AFF2: variants seen among roughly 807,000 people sequenced by gnomAD.
The protein encoded by AFF2 is ALF transcription elongation factor 2.
A neutral mutation model predicts 76.9 loss-of-function variants in AFF2; 14 were observed. The ratio of observed to expected loss-of-function variants is 0.18; its 90% confidence interval spans 0.12 to 0.28. The LOEUF is 0.28. Ranked by LOEUF, AFF2 falls within the 10% of genes least tolerant of loss-of-function variation. The pLI is 1.00. For missense variants in AFF2, 868 were observed against 1,001.1 expected, an observed-to-expected ratio of 0.87 and a Z score of 1.79; for synonymous variants, 398 against 366.7, an observed-to-expected ratio of 1.09 and a Z score of -0.98.
rs1255118427 is a variant in AFF2, at chrX:148,994,568, G to T, written c.*3236G>T. ...TGCCTTTTTTTCCATGTAAGGAAAT[G>T]AAAAGACCAAAATCTTCAGGCAAAA... On this transcript the variant is annotated 3_prime_UTR_variant, in exon 21 of 21. Transcript: ENST00000370460. The T allele has an allele frequency of 1.8e-5, 2 of 112,214 alleles. No homozygotes were observed. Among genetic ancestry groups the T allele is most frequent in the Non-Finnish European group, 3.8e-5 (2 of 53,274 alleles). The allele number at this position is 112,214 out of a possible 1,213,427, so 9.2% of individuals were successfully genotyped here.
intron 12 of AFF2, among the ~76,000 whole-genome samples, chrX:148,961,709 T>A (rs1557288035): frequency 8.9e-6 from 1 of 112,605 alleles, no homozygotes; most frequent in Admixed American, 9.4e-5. Context: ...AAATCTATAT[T>A]TCTAGACACT....
intron 9 of AFF2, among the ~76,000 whole-genome samples, chrX:148,906,617 C>T (rs1242506343): frequency 2.7e-5 from 3 of 112,107 alleles, no homozygotes; most frequent in Admixed American, 9.4e-5. Flanking sequence ...GGACAATGAT[C>T]GGGATATAAA....
intron 9 of AFF2, among the ~76,000 whole-genome samples, chrX:148,914,780 G>T (rs1557282358): frequency 8.9e-6 from 1 of 112,128 alleles, no homozygotes; most frequent in African/African-American, 3.2e-5. Context: ...AGTATTTTAG[G>T]CATGACACAA....
chrX:148,773,689 A>AAG (rs2069622509), intron 3 of AFF2, among the ~76,000 whole-genome samples: 1 of 52,265 alleles, frequency 1.9e-5, no homozygotes, highest in African/African-American at 1.3e-4. Flanking sequence ...AAGGAAGGAA[A>AAG]GAAAGAAAGA....
chrX:148,939,360 A>T (rs73640616), intron 9 of AFF2, among the ~76,000 whole-genome samples: 1 of 111,959 alleles, frequency 8.9e-6, no homozygotes, highest in African/African-American at 3.2e-5. Flanking sequence ...GTCATGCCCA[A>T]AAGAGAAAAA....
At chrX:148,837,771 T>C in intron 5 of AFF2, 38 bp downstream of exon 5, 1 of 969,778 alleles carries the variant, frequency 1.0e-6, no homozygotes, top group Non-Finnish European at 1.5e-6. Context: ...GTTTGTCTTA[T>C]TTTAATTATA....
chrX:148,848,176 G>A (rs2070690312), intron 7 of AFF2, among the ~76,000 whole-genome samples: 1 of 110,686 alleles, frequency 9.0e-6, no homozygotes, highest in Admixed American at 9.7e-5. Context: ...ACAACCTGGT[G>A]GGATGTAGTC....
intron 1 of AFF2, among the ~76,000 whole-genome samples, chrX:148,613,868 C>T (rs116346868): frequency 0.17 from 19,348 of 111,603 alleles, 1,229 homozygotes; most frequent in Non-Finnish European, 0.2. Flanking sequence ...CTGCTGCACT[C>T]TGTATCTCTG....
chrX:148,865,948 G>A (rs1190044883), intron 7 of AFF2, among the ~76,000 whole-genome samples: 3 of 111,783 alleles, frequency 2.7e-5, no homozygotes, highest in Non-Finnish European at 5.6e-5. Context: ...TTCTGGCCTC[G>A]ATAAAACGAG....
chrX:148,507,126 CTCTT>C (rs1387356028), intron 1 of AFF2, among the ~76,000 whole-genome samples: 1 of 112,296 alleles, frequency 8.9e-6, no homozygotes, highest in Non-Finnish European at 1.9e-5. Flanking sequence ...AAATGCAGGT[CTCTT>C]TCAAGGATAG....
chrX:148,596,082 A>G (rs1178042158), intron 1 of AFF2, among the ~76,000 whole-genome samples: 1 of 111,716 alleles, frequency 9.0e-6, no homozygotes, highest in Non-Finnish European at 1.9e-5. Context: ...AATCCCTAAC[A>G]TCTACTGTGC....
At chrX:148,686,750 T>A (rs1347818878) in intron 3 of AFF2, among the ~76,000 whole-genome samples, 2 of 111,449 alleles carry the variant, frequency 1.8e-5, no homozygotes, top group African/African-American at 6.5e-5. Context: ...TTTTGTCCAA[T>A]ACTTAATGGC....
At chrX:148,702,248 A>G (rs1603280842) in intron 3 of AFF2, among the ~76,000 whole-genome samples, 2 of 111,648 alleles carry the variant, frequency 1.8e-5, no homozygotes, top group African/African-American at 6.5e-5. Context: ...ATTTTCTCAT[A>G]CTTAAAATTG....
At position 148,651,929 on chromosome X, in the gene AFF2, A is replaced by G. The variant is rs1434011052; in HGVS notation, c.48-70A>G. On this transcript the variant is annotated intron_variant, in intron 1 of 20. Coordinates refer to ENST00000370460, the MANE Select transcript of AFF2 (RefSeq NM_002025.4). The stretch of plus-strand genomic sequence containing the variant: ...GAATTTTTTTCTTATTATTGACAGC[A>G]AGGAAAATTTAAATGACTTGCATGA... The G allele has an allele frequency of 2.9e-6, 3 of 1,038,969 alleles. No homozygotes were observed. The African/African-American group carries it at 5.7e-5, about 20-fold the overall frequency. The allele number at this position is 1,038,969 out of a possible 1,213,427, so 85.6% of individuals were successfully genotyped here. A position where few individuals can be genotyped will look rare whatever the true frequency, so the allele number is the denominator to read the frequency against.
intron 1 of AFF2, among the ~76,000 whole-genome samples, chrX:148,627,682 A>C (rs1421837537): frequency 8.9e-6 from 1 of 112,357 alleles, no homozygotes; most frequent in Non-Finnish European, 1.9e-5. Context: ...TAGTGTGAAC[A>C]AAGAGCAGTA....
At chrX:148,870,948 T>TG (rs1378576112) in intron 7 of AFF2, among the ~76,000 whole-genome samples, 2 of 110,873 alleles carry the variant, frequency 1.8e-5, no homozygotes, top group African/African-American at 6.6e-5. Flanking sequence ...AAGGTGGCAG[T>TG]GGGGGAGACA....
At chrX:148,718,015 C>G (rs148499569) in intron 3 of AFF2, among the ~76,000 whole-genome samples, 228 of 103,581 alleles carry the variant, frequency 2.2e-3, no homozygotes, top group African/African-American at 8.6e-3. Flanking sequence ...CATGATATTT[C>G]CCCTTAGTTT....
chrX:148,784,130 A>C (rs1385555630), intron 3 of AFF2, among the ~76,000 whole-genome samples: 1 of 112,228 alleles, frequency 8.9e-6, no homozygotes, highest in African/African-American at 3.2e-5. Context: ...ACAGGAGTTC[A>C]GAGTAGATTA....
At chrX:148,963,366 A>G (rs190630213) in intron 13 of AFF2, among the ~76,000 whole-genome samples, 53 of 111,866 alleles carry the variant, frequency 4.7e-4, no homozygotes, top group African/African-American at 1.7e-3. Context: ...GAAATCTAGG[A>G]GACTTTGTGG....
Sources: allele counts gnomAD v4.1 joint callset (sites outside exome capture counted in the v4.1 genomes callset), GRCh38; gene constraint gnomAD v4.1.1; transcripts MANE v1.5; gene names NCBI Gene and HGNC (gene_info 2026-07-23, HGNC 2026-07-21).